The following ANO2 variants were observed in gnomAD, a reference collection of about 807,000 sequenced individuals.
The protein encoded by ANO2 is anoctamin-2.
A neutral mutation model predicts 124.2 loss-of-function variants in ANO2; 101 were observed. The observed-to-expected ratio is 0.81, with a 90% CI of 0.69 to 0.96. ANO2 has a LOEUF of 0.96. Among genes scored for constraint, ANO2 ranks in the 40% least tolerant of loss-of-function variants. ANO2 has a pLI of 0.00. For synonymous variants in ANO2, 486 were observed against 482.5 expected, an observed-to-expected ratio of 1.01 and a Z score of -0.09; for missense variants, 1,293 against 1,274.5, an observed-to-expected ratio of 1.01 and a Z score of -0.22.
At position 5,846,318 on chromosome 12, in the gene ANO2, C is replaced by A. The variant is rs12313167; in HGVS notation, c.633+7725G>T. Among the ~76,000 whole-genome samples, 1,280 of 152,248 alleles carry A rather than the reference C, an allele frequency of 8.4e-3. 22 individuals carry two copies. Among genetic ancestry groups the A allele is most frequent in the African/African-American group, 0.028 (1,153 of 41,544 alleles). On this transcript the variant is annotated intron_variant, in intron 4 of 24. Coordinates refer to ENST00000682330, the MANE Select transcript of ANO2 (RefSeq NM_001364791.2). ...CATGAAAAAGTCATCATAGACATGC[C>A]AAGGTCACGTAGGAAGATCCATGCA...
intron 14 of ANO2, among the ~76,000 whole-genome samples, chr12:5,712,274 C>T (rs1275683326): frequency 1.3e-5 from 2 of 151,366 alleles, no homozygotes; most frequent in Non-Finnish European, 2.9e-5. Flanking sequence ...CCTGTGAATA[C>T]GACCTGACTT....
At chr12:5,688,003 T>A (rs1012932491) in intron 14 of ANO2, among the ~76,000 whole-genome samples, 1 of 152,238 alleles carries the variant, frequency 6.6e-6, no homozygotes, top group Non-Finnish European at 1.5e-5. Context: ...ATTAGCATCA[T>A]GAACATCCTG....
chr12:5,812,967 A>C (rs1321846036), intron 7 of ANO2, among the ~76,000 whole-genome samples: 1 of 114,190 alleles, frequency 8.8e-6, no homozygotes, highest in African/African-American at 3.1e-5. Flanking sequence ...GAAGAGAGGG[A>C]GGGAGGAAGG....
chr12:5,815,301 G>A (rs934833188), intron 7 of ANO2, among the ~76,000 whole-genome samples: 12 of 152,296 alleles, frequency 7.9e-5, no homozygotes, highest in Middle Eastern at 3.4e-3. Flanking sequence ...AGCAAAACTC[G>A]GGGAGGGAGG....
At chr12:5,690,033 C>T (rs1254182627) in intron 14 of ANO2, among the ~76,000 whole-genome samples, 1 of 152,140 alleles carries the variant, frequency 6.6e-6, no homozygotes, top group African/African-American at 2.4e-5. Flanking sequence ...TGGCTCTCCA[C>T]AGACCCTGTA....
At chr12:5,919,676 G>T (rs1197883690) in intron 3 of ANO2, among the ~76,000 whole-genome samples, 1 of 150,750 alleles carries the variant, frequency 6.6e-6, no homozygotes, top group Non-Finnish European at 1.5e-5. Context: ...GAATGAGTTT[G>T]GGGGAGATGG....
At chr12:5,906,036 T>C (rs921744514) in intron 3 of ANO2, among the ~76,000 whole-genome samples, 5 of 152,044 alleles carry the variant, frequency 3.3e-5, no homozygotes, top group African/African-American at 1.2e-4. Context: ...CTTCCCAGAC[T>C]GAGGAAGGAG....
chr12:5,759,780 A>G (rs554564767), intron 10 of ANO2, among the ~76,000 whole-genome samples: 1 of 151,830 alleles, frequency 6.6e-6, no homozygotes, highest in African/African-American at 2.4e-5. Context: ...GTATGGAAAG[A>G]AAAAAAACTA....
intron 19 of ANO2, among the ~76,000 whole-genome samples, chr12:5,600,214 C>T (rs1943871452): frequency 7.4e-6 from 1 of 135,622 alleles, no homozygotes; most frequent in African/African-American, 2.6e-5. Flanking sequence ...AGGTGGGGTC[C>T]TAATTCAATA....
chr12:5,876,090 G>A (rs558918349), intron 3 of ANO2, among the ~76,000 whole-genome samples: 1 of 152,278 alleles, frequency 6.6e-6, no homozygotes, highest in South Asian at 2.1e-4. Flanking sequence ...CAGCTGAGGA[G>A]GAAGGAAGCA....
At chr12:5,782,876 C>A (rs987249042) in intron 10 of ANO2, among the ~76,000 whole-genome samples, 2 of 152,124 alleles carry the variant, frequency 1.3e-5, no homozygotes, top group East Asian at 3.8e-4. Context: ...ATCTTTTGAG[C>A]CAAATCTTAA....
intron 10 of ANO2, among the ~76,000 whole-genome samples, chr12:5,796,817 G>A (rs1189625184): frequency 2.6e-5 from 4 of 152,200 alleles, no homozygotes; most frequent in African/African-American, 7.2e-5. Flanking sequence ...GAAGGCCTGC[G>A]GAAGGGGAAG....
intron 10 of ANO2, among the ~76,000 whole-genome samples, chr12:5,780,828 G>T (rs189891298): frequency 7.0e-4 from 107 of 152,274 alleles, no homozygotes; most frequent in African/African-American, 2.6e-3. Flanking sequence ...CTGAATACAA[G>T]AATAAATCTG....
rs544878991 is a variant in ANO2, at chr12:5,908,045, G to A, written c.534+12995C>T. Among the ~76,000 whole-genome samples, 3 of 152,206 alleles carry A rather than the reference G, an allele frequency of 2.0e-5. No individual in the cohort carries two copies. Among genetic ancestry groups the A allele is most frequent in the Non-Finnish European group, 2.9e-5 (2 of 68,036 alleles). On this transcript the variant is annotated intron_variant, in intron 3 of 24. Coordinates refer to ENST00000682330, the MANE Select transcript of ANO2 (RefSeq NM_001364791.2). The surrounding 1 kb of genome is among the most constrained non-coding windows in gnomAD (Gnocchi z 4.7). Reference sequence around the variant, plus strand: ...AGTACATAGCAACACACACAAACTCGTAACCACGCACGGGCAGCGTGTGCA... The same window carrying A: ...AGTACATAGCAACACACACAAACTCATAACCACGCACGGGCAGCGTGTGCA...
At chr12:5,679,831 T>A (rs1948417310) in intron 14 of ANO2, among the ~76,000 whole-genome samples, 1 of 152,184 alleles carries the variant, frequency 6.6e-6, no homozygotes, top group Admixed American at 6.5e-5. Flanking sequence ...TAAAGACACA[T>A]GCACACATAT....
At chr12:5,715,263 A>G (rs1202545924) in intron 14 of ANO2, among the ~76,000 whole-genome samples, 1 of 152,166 alleles carries the variant, frequency 6.6e-6, no homozygotes, top group African/African-American at 2.4e-5. Context: ...ACCGGGACAC[A>G]TTTCTTCTTG....
At chr12:5,797,831 T>G (rs933402477) in intron 10 of ANO2, among the ~76,000 whole-genome samples, 1 of 152,116 alleles carries the variant, frequency 6.6e-6, no homozygotes, top group African/African-American at 2.4e-5. Context: ...CCTGCTCCAG[T>G]ACACCGTGCC....
At chr12:5,638,350 T>C (rs112541936) in intron 15 of ANO2, among the ~76,000 whole-genome samples, 49,077 of 139,334 alleles carry the variant, frequency 0.35, 9,398 homozygotes, top group East Asian at 0.63. Context: ...ATTCTCCTGC[T>C]TCAGCCTCCC....
At chr12:5,945,270 A>C (rs1188853465), upstream of ANO2, 3 of 1,262,924 alleles carry the variant, frequency 2.4e-6, no homozygotes, top group South Asian at 1.3e-5. Flanking sequence ...GGGCAGGCTT[A>C]TGCCGCCGCG....
Sources: gnomAD v4.1 joint callset for allele counts (sites outside exome capture counted in the v4.1 genomes callset) on GRCh38, gnomAD v4.1.1 for gene constraint, Gnocchi (gnomAD v3.1) non-coding constraint, MANE v1.5 for transcripts, NCBI Gene and HGNC (gene_info 2026-07-23, HGNC 2026-07-21) for gene names.